Variants in SMARCAL1 observed in about 807,000 individuals in gnomAD.
SMARCAL1 encodes the protein SNF2 related chromatin remodeling annealing helicase 1, also known as ATP-driven annealing helicase.
In SMARCAL1, 58 loss-of-function variants were observed where a neutral mutation model predicts 94.5. The ratio of observed to expected loss-of-function variants is 0.61; its 90% CI spans 0.50 to 0.76. The LOEUF (loss-of-function observed/expected upper bound fraction) is 0.76. Among genes scored for constraint, SMARCAL1 ranks in the 30% least tolerant of loss-of-function variants. The probability of loss-of-function intolerance (pLI) is 0.00; values close to 1 mark genes in which losing one functional copy is unlikely to be tolerated. For missense variants in SMARCAL1, 1,051 were observed against 1,177.9 expected (o/e 0.89, Z 1.58); for synonymous variants, 422 against 455.1 (o/e 0.93, Z 0.93).
At chr2:216,452,723 GA>G (rs1256980287) in intron 12 of SMARCAL1, among the ~76,000 whole-genome samples, 1 of 151,716 alleles carries the variant, frequency 6.6e-6, no homozygotes, top group African/African-American at 2.4e-5. Flanking sequence ...TGGCCAAAAA[GA>G]AAAAAAGAAA....
Position 216,475,238 on chromosome 2 carries a change from C to G in SMARCAL1, c.2245-31C>G. ...TGCTGAGAAGCCCCCGGGGCTGTTG[C>G]CCACCTTGCTTCTGCCCCTTGTTCC... On this transcript the variant is annotated intron_variant, in intron 14 of 17. Transcript: ENST00000357276. The surrounding 1 kb of genome is among the most constrained non-coding windows in gnomAD (Gnocchi z 4.4). The G allele has an allele frequency of 6.2e-7, 1 of 1,613,108 alleles. No individual in the cohort carries two copies. The highest frequency in any genetic ancestry group is 8.5e-7 in the Non-Finnish European group (1 of 1,179,704).
Position 216,483,003 on chromosome 2 carries a change from A to G in SMARCAL1, c.*26A>G. On this transcript the variant is annotated 3_prime_UTR_variant, in exon 18 of 18. Coordinates refer to ENST00000357276, the MANE Select transcript of SMARCAL1 (RefSeq NM_014140.4). ...AAGGGGCAAAAAGAAAAAAATAAAA[A>G]GCATTTTAAAATCATGGAATTGAAA... 6.2e-7 allele frequency: 1 copy of G among 1,610,314 alleles called. No homozygotes were observed. Among genetic ancestry groups the G allele is most frequent in the Non-Finnish European group, 8.5e-7 (1 of 1,178,904 alleles).
At chr2:216,467,760 A>T (rs1694860876) in intron 13 of SMARCAL1, among the ~76,000 whole-genome samples, 184 bp from the exon 14 acceptor site, 1 of 152,212 alleles carries the variant, frequency 6.6e-6, no homozygotes, top group African/African-American at 2.4e-5. Context: ...AAATGCTTTC[A>T]GATCTACAGA....
In SMARCAL1 at chr2:216,475,253, C is replaced by T; in HGVS notation, c.2245-16C>T. On this transcript the variant is annotated splice_polypyrimidine_tract_variant and intron_variant, in intron 14 of 17. Coordinates refer to ENST00000357276, the MANE Select transcript of SMARCAL1 (RefSeq NM_014140.4). The surrounding 1 kb of genome is among the most constrained non-coding windows in gnomAD (Gnocchi z 4.4). ...GGGGCTGTTGCCCACCTTGCTTCTG[C>T]CCCTTGTTCCTGCAGCACGTGCAGC... is the stretch of plus-strand genomic sequence containing the variant. 6.2e-7 allele frequency: 1 copy of T among 1,613,926 alleles called. No homozygotes were observed.
chr2:216,427,067 T>A (rs1453958128), intron 6 of SMARCAL1: 1 of 152,234 alleles, frequency 6.6e-6, no homozygotes, highest in Non-Finnish European at 1.5e-5. Flanking sequence ...TTGCTGTCAG[T>A]CCAGAAGGGT....
intron 17 of SMARCAL1, among the ~76,000 whole-genome samples, chr2:216,481,062 CTG>C (rs1313103166): frequency 6.6e-6 from 1 of 152,126 alleles, no homozygotes; most frequent in African/African-American, 2.4e-5. Flanking sequence ...GCCGAGGACT[CTG>C]TTTGCCTGGA....
chr2:216,449,646 G>A (rs901598452), intron 11 of SMARCAL1, among the ~76,000 whole-genome samples: 10 of 152,020 alleles, frequency 6.6e-5, no homozygotes, highest in African/African-American at 2.2e-4. Flanking sequence ...ATTATGCTAG[G>A]CTCTCTAGCC....
In SMARCAL1 at chr2:216,482,787, A is replaced by G. The variant is rs768790059; in HGVS notation, c.2675A>G (p.Lys892Arg). Residue 892 changes from lysine to arginine, a missense_variant, in exon 18 of 18, where the codon AAA (lysine) becomes AGA (arginine). Transcript: ENST00000357276. The surrounding 1 kb of genome is among the most constrained non-coding windows in gnomAD (Gnocchi z 4.3). ...IYDLFQKSFE[K>R]EGSDMELLEA... Reference sequence around the variant, plus strand: ...GACCTATTCCAGAAGTCCTTTGAGAAAGAAGGAAGTGATATGGAGCTCCTG... The same window carrying G: ...GACCTATTCCAGAAGTCCTTTGAGAGAGAAGGAAGTGATATGGAGCTCCTG... The G allele has an allele frequency of 1.2e-6, 2 of 1,614,190 alleles. No individual in the cohort carries two copies. The highest frequency in any genetic ancestry group is 1.7e-6 in the Non-Finnish European group (2 of 1,180,026).
At chr2:216,464,105 G>T (rs1351639883) in intron 12 of SMARCAL1, among the ~76,000 whole-genome samples, 2 of 152,154 alleles carry the variant, frequency 1.3e-5, no homozygotes, top group Non-Finnish European at 2.9e-5. Flanking sequence ...GGGTCCATTG[G>T]AATTGATTCA....
chr2:216,454,585 C>T (rs1380537635), intron 12 of SMARCAL1, among the ~76,000 whole-genome samples: 3 of 152,078 alleles, frequency 2.0e-5, no homozygotes, highest in Non-Finnish European at 2.9e-5. Context: ...GTAGTGCCTC[C>T]CTCATAGCAA....
chr2:216,460,741 T>C (rs1172437899), intron 12 of SMARCAL1, among the ~76,000 whole-genome samples: 1 of 150,108 alleles, frequency 6.7e-6, no homozygotes, highest in Admixed American at 6.6e-5. Context: ...ATGTAAATGA[T>C]GAGTTAATGG....
intron 10 of SMARCAL1, 24 bp from the exon 11 acceptor site, chr2:216,446,994 C>T: frequency 3.1e-6 from 5 of 1,613,956 alleles, no homozygotes; most frequent in African/African-American, 1.3e-5. Context: ...GTGTTCAGAG[C>T]ACCTTTGGCT....
chr2:216,460,491 G>A (rs1694670705), intron 12 of SMARCAL1, among the ~76,000 whole-genome samples: 1 of 152,108 alleles, frequency 6.6e-6, no homozygotes, highest in South Asian at 2.1e-4. Flanking sequence ...ATACACCATG[G>A]AATACTATGC....
At chr2:216,436,059 C>T (rs1044210103) in intron 9 of SMARCAL1, among the ~76,000 whole-genome samples, 2 of 152,136 alleles carry the variant, frequency 1.3e-5, no homozygotes, top group African/African-American at 2.4e-5. Flanking sequence ...ACCTCTGCCT[C>T]CCGGGTTCAA....
In SMARCAL1 at chr2:216,428,611, G is replaced by C. The variant is rs1008306850; in HGVS notation, c.1163G>C (p.Cys388Ser). Reference protein sequence around the residue: ...EHSKLIAKVRCLPQVQLDPLP... With the variant: ...EHSKLIAKVRSLPQVQLDPLP... ...TTCTTTTCAGTTGCAAAGGTGCGCT[G>C]CCTCCCACAAGTTCAGCTGGACCCT... Residue 388 changes from cysteine (C) to serine (S), a missense_variant, in exon 7 of 18, where the codon TGC (cysteine) becomes TCC (serine). Cys to Ser is a moderately radical substitution (Grantham distance 112). Around this residue, in one of 3 missense-constraint regions of SMARCAL1, gnomAD observed 642 missense variants for 754.7 expected, o/e 0.85. Coordinates refer to ENST00000357276, the MANE Select transcript of SMARCAL1 (RefSeq NM_014140.4). The C allele has an allele frequency of 6.2e-7, 1 of 1,613,842 alleles. No individual in the cohort carries two copies. The highest frequency in any genetic ancestry group is 8.5e-7 in the Non-Finnish European group (1 of 1,180,028).
At chr2:216,441,935 T>C (rs1463285452) in intron 10 of SMARCAL1, among the ~76,000 whole-genome samples, 1 of 152,166 alleles carries the variant, frequency 6.6e-6, no homozygotes, top group Non-Finnish European at 1.5e-5. Context: ...ATAACAAAAT[T>C]AAAAATTTTT....
At chr2:216,421,111 G>C (rs908831996) in intron 5 of SMARCAL1, among the ~76,000 whole-genome samples, 1 of 152,162 alleles carries the variant, frequency 6.6e-6, no homozygotes, top group Admixed American at 6.5e-5. Context: ...CTGCCCATCA[G>C]CATCACAGGG....
intron 13 of SMARCAL1, among the ~76,000 whole-genome samples, chr2:216,465,641 A>G (rs1022524599): frequency 6.6e-6 from 1 of 152,154 alleles, no homozygotes; most frequent in African/African-American, 2.4e-5. Context: ...CTATTTAAAT[A>G]TCACTGGGGT....
intron 3 of SMARCAL1, 101 bp downstream of exon 3, chr2:216,415,616 A>G: frequency 9.2e-7 from 1 of 1,089,006 alleles, no homozygotes; most frequent in East Asian, 2.4e-5. Context: ...GTGCATTGGC[A>G]CATGCTGTCC....
Sources: allele counts gnomAD v4.1 joint callset (sites outside exome capture counted in the v4.1 genomes callset), GRCh38; gene constraint gnomAD v4.1.1; regional missense constraint gnomAD v4.1.1; non-coding constraint Gnocchi (gnomAD v3.1); transcripts MANE v1.5; gene names NCBI Gene and HGNC (gene_info 2026-07-23, HGNC 2026-07-21).